PRKCB: variants seen among roughly 807,000 people sequenced by gnomAD.
PRKCB encodes the protein protein kinase C beta type.
A neutral mutation model predicts 81.5 loss-of-function variants in PRKCB; 13 were observed. The observed-to-expected ratio is 0.16, with a 90% confidence interval of 0.10 to 0.25. The LOEUF (loss-of-function observed/expected upper bound fraction) is 0.25. Among genes scored for constraint, PRKCB ranks in the 10% least tolerant of loss-of-function variants. PRKCB has a pLI of 1.00. For missense variants in PRKCB, 509 were observed against 875.7 expected (o/e 0.58, Z 5.29); for synonymous variants, 335 against 321.4 (o/e 1.04, Z -0.45).
At chr16:23,990,798 T>A (rs1041036201) in intron 3 of PRKCB, among the ~76,000 whole-genome samples, 8 of 152,170 alleles carry the variant, frequency 5.3e-5, no homozygotes, top group African/African-American at 1.9e-4. Context: ...TCCTCCTACC[T>A]TGACCTCCCA....
intron 12 of PRKCB, among the ~76,000 whole-genome samples, chr16:24,178,873 C>G (rs1967575721): frequency 6.6e-6 from 1 of 152,162 alleles, no homozygotes; most frequent in Admixed American, 6.5e-5. Flanking sequence ...TTCAAAGTAA[C>G]TTAGGTTAAA....
At chr16:23,985,481 C>T (rs1375853842) in intron 2 of PRKCB, among the ~76,000 whole-genome samples, 1 of 152,120 alleles carries the variant, frequency 6.6e-6, no homozygotes, top group Admixed American at 6.5e-5. Flanking sequence ...AAAAGAATCC[C>T]TTAGATGATG....
chr16:23,880,754 C>T (rs1000717480), intron 2 of PRKCB, among the ~76,000 whole-genome samples: 3 of 151,836 alleles, frequency 2.0e-5, no homozygotes, highest in Non-Finnish European at 2.9e-5. Flanking sequence ...CATTATAGAA[C>T]ATTACAACAA....
intron 3 of PRKCB, among the ~76,000 whole-genome samples, chr16:24,013,621 G>A (rs1282032012): frequency 6.6e-6 from 1 of 152,080 alleles, no homozygotes; most frequent in Non-Finnish European, 1.5e-5. Context: ...CCCCCTGCTG[G>A]GATCTGTAAA....
intron 5 of PRKCB, among the ~76,000 whole-genome samples, chr16:24,089,145 T>C (rs1332384701): frequency 6.6e-6 from 1 of 152,178 alleles, no homozygotes; most frequent in African/African-American, 2.4e-5. Flanking sequence ...GGAAAATGCA[T>C]GGGTATTTTG....
chr16:23,858,208 A>G (rs1962604436), intron 2 of PRKCB, among the ~76,000 whole-genome samples: 1 of 152,228 alleles, frequency 6.6e-6, no homozygotes, highest in African/African-American at 2.4e-5. Flanking sequence ...ATTTGCTGCT[A>G]TTCTTATCCC....
chr16:24,120,569 A>G (rs1966788237), intron 8 of PRKCB, among the ~76,000 whole-genome samples: 1 of 152,054 alleles, frequency 6.6e-6, no homozygotes, highest in Non-Finnish European at 1.5e-5. Flanking sequence ...TTCTCATCTC[A>G]GTGGAAACAA....
chr16:24,164,878 C>T (rs187423942), intron 10 of PRKCB, among the ~76,000 whole-genome samples: 16 of 152,124 alleles, frequency 1.1e-4, no homozygotes, highest in African/African-American at 1.7e-4. Flanking sequence ...GCAATAATTT[C>T]GTAGGAGGAA....
chr16:23,953,225 C>T (rs1167671224), intron 2 of PRKCB, among the ~76,000 whole-genome samples: 4 of 152,166 alleles, frequency 2.6e-5, no homozygotes, highest in Admixed American at 6.5e-5. Flanking sequence ...GTTTCTCTCA[C>T]TGTGATTTAC....
intron 9 of PRKCB, among the ~76,000 whole-genome samples, chr16:24,134,765 A>AAAT (rs56825620): frequency 6.6e-6 from 1 of 150,830 alleles, no homozygotes; most frequent in Non-Finnish European, 1.5e-5. Flanking sequence ...AAAAAAAAAA[A>AAAT]GCCAGACACA....
At chr16:24,174,432 T>C (rs1218149007) in intron 11 of PRKCB, 86 bp from the exon 12 acceptor site, 2 of 1,223,084 alleles carry the variant, frequency 1.6e-6, no homozygotes, top group African/African-American at 3.0e-5. Flanking sequence ...CTACACCTAG[T>C]TCAATATTGT....
chr16:23,853,935 C>T (rs1314721229), intron 2 of PRKCB, among the ~76,000 whole-genome samples: 2 of 71,092 alleles, frequency 2.8e-5, no homozygotes, highest in Non-Finnish European at 7.0e-5. Flanking sequence ...GCTGGGGAGG[C>T]CTCACAATCA....
chr16:24,169,690 C>T (rs909072064), intron 10 of PRKCB, among the ~76,000 whole-genome samples: 8 of 152,142 alleles, frequency 5.3e-5, no homozygotes, highest in Non-Finnish European at 8.8e-5. Context: ...CCCATCTCAT[C>T]CAGCTGGTAC....
Position 24,092,823 on chromosome 16 carries a change from C to A in PRKCB, c.562C>A (p.Pro188Thr). The change falls in exon 6 of 17, where the codon CCC becomes ACC. Residue 188 changes from proline (P) to threonine (T), a missense_variant. Pro to Thr is a conservative substitution (Grantham distance 38, BLOSUM62 -1). Transcript: ENST00000643927. ...TGCTAAAAACCTTGTACCTATGGAC[C>A]CCAATGGCCTGTCAGATCCCTACGT... ...RDAKNLVPMD[P>T]NGLSDPYVKL... 1 of 1,613,956 alleles carries A rather than the reference C, an allele frequency of 6.2e-7. No individual in the cohort carries two copies. The highest frequency in any genetic ancestry group is 8.5e-7 in the Non-Finnish European group (1 of 1,179,972).
chr16:24,068,354 C>G (rs577801615), intron 5 of PRKCB, among the ~76,000 whole-genome samples: 4 of 152,196 alleles, frequency 2.6e-5, no homozygotes, highest in Non-Finnish European at 5.9e-5. Context: ...TCCCTGGAAG[C>G]TTTGATTCCT....
intron 13 of PRKCB, among the ~76,000 whole-genome samples, chr16:24,184,801 T>C (rs2141975452): frequency 6.6e-6 from 1 of 152,358 alleles, no homozygotes; most frequent in Middle Eastern, 3.4e-3. Flanking sequence ...ATATTTACAT[T>C]ATTGTGTAAA....
Position 24,217,855 on chromosome 16 carries a change from G to C in PRKCB, c.*3039G>C, listed in dbSNP as rs1321016957. On this transcript the variant is annotated 3_prime_UTR_variant, in exon 17 of 17. Coordinates refer to ENST00000643927, the MANE Select transcript of PRKCB (RefSeq NM_002738.7). ...GTCCTGGAGTTCTCAGACCTTTAGG[G>C]GCCCTAACACAGTTCAGTTCATACA... The C allele has an allele frequency of 3.0e-6, 3 of 985,266 alleles. No homozygotes were observed. In the African/African-American group the frequency reaches 5.2e-5, roughly 17 times the overall value. 61.0% of individuals were successfully genotyped at this position (985,266 alleles called of 1,614,324 possible).
intron 5 of PRKCB, among the ~76,000 whole-genome samples, chr16:24,051,773 T>C (rs1476027612): frequency 6.6e-6 from 1 of 151,896 alleles, no homozygotes; most frequent in African/African-American, 2.4e-5. Flanking sequence ...TCTCAGCTAC[T>C]CAGGAGACTG....
rs370248970 is a variant in PRKCB at position 24,113,477 on chromosome 16, C to T, written c.918+408C>T. ...TTTCTTTCTCTCTCCTTCCTTCTTC[C>T]TTTCTTCCTTCCTTCCTTTCCTCCC... On this transcript the variant is annotated intron_variant, in intron 8 of 16. Transcript: ENST00000643927. 3.9e-3 allele frequency among the ~76,000 whole-genome samples: 584 copies of T among 148,224 alleles called. 3 individuals carry two copies. Among genetic ancestry groups the T allele is most frequent in the Non-Finnish European group, 5.9e-3 (398 of 67,116 alleles).
Sources: allele counts gnomAD v4.1 joint callset (sites outside exome capture counted in the v4.1 genomes callset), GRCh38; gene constraint gnomAD v4.1.1; transcripts MANE v1.5; gene names NCBI Gene and HGNC (gene_info 2026-07-23, HGNC 2026-07-21).